ZHX3: variants seen among roughly 807,000 people sequenced by gnomAD.
ZHX3 encodes zinc fingers and homeoboxes protein 3.
In ZHX3, 20 loss-of-function variants were observed where a neutral mutation model predicts 64.5. The observed-to-expected ratio is 0.31, with a 90% CI of 0.22 to 0.45. The LOEUF is 0.45. Ranked by LOEUF, ZHX3 falls within the 20% of genes least tolerant of loss-of-function variation. The pLI is 1.00. For missense variants in ZHX3, 1,041 were observed against 1,195.8 expected (o/e 0.87, Z 1.91); for synonymous variants, 423 against 461.6 (o/e 0.92, Z 1.07).
chr20:41,287,510 T>C (rs2043997408), intron 1 of ZHX3, among the ~76,000 whole-genome samples: 1 of 152,170 alleles, frequency 6.6e-6, no homozygotes, highest in South Asian at 2.1e-4. Context: ...ATACAGCAGA[T>C]ATGATGAAAT....
At chr20:41,293,030 A>G (rs886428369) in intron 1 of ZHX3, among the ~76,000 whole-genome samples, 7 of 152,184 alleles carry the variant, frequency 4.6e-5, no homozygotes, top group African/African-American at 9.7e-5. Flanking sequence ...TGGGAGACGC[A>G]CGTTTGATTA....
rs1338447735 is a variant in ZHX3 at position 41,313,730 on chromosome 20, TG to T, written c.-245+3778del. Among the ~76,000 whole-genome samples, 29 of 151,726 alleles carry T rather than the reference TG, an allele frequency of 1.9e-4. 1 individual carries two copies. Among genetic ancestry groups the T allele is most frequent in the Non-Finnish European group, 1.0e-4 (7 of 67,956 alleles). On this transcript the variant is annotated intron_variant, in intron 1 of 3. Transcript: ENST00000683867. ...CTCCTGCCTCAGCCTCCCAAGTAGCTGGAACTACAGGCGCCCGCCAACACAC... is the reference window on the plus strand; with the variant it reads ...CTCCTGCCTCAGCCTCCCAAGTAGCTGAACTACAGGCGCCCGCCAACACAC...
intron 2 of ZHX3, among the ~76,000 whole-genome samples, chr20:41,234,722 T>G (rs776451342): frequency 1.3e-5 from 2 of 152,212 alleles, no homozygotes; most frequent in Non-Finnish European, 2.9e-5. Flanking sequence ...CAAGCCCCTT[T>G]TTGCTTTTGA....
chr20:41,269,123 A>G (rs748422059), intron 1 of ZHX3, 40 bp from the exon 2 acceptor site: 2 of 152,216 alleles, frequency 1.3e-5, no homozygotes, highest in Non-Finnish European at 2.9e-5. Context: ...ATGAGAAAAC[A>G]TTTTAGGAGG....
At chr20:41,211,712 C>T (rs996148296) in intron 2 of ZHX3, among the ~76,000 whole-genome samples, 3 of 152,160 alleles carry the variant, frequency 2.0e-5, no homozygotes, top group Non-Finnish European at 2.9e-5. Flanking sequence ...TTTGACTTAT[C>T]CACCCCTGCT....
intron 1 of ZHX3, among the ~76,000 whole-genome samples, chr20:41,315,183 A>T (rs371986509): frequency 2.4e-3 from 367 of 152,062 alleles, no homozygotes; most frequent in African/African-American, 8.5e-3. Context: ...CTGAGGCTGG[A>T]GTATGCTTGA....
In ZHX3 at chr20:41,266,703, G is replaced by A. The variant is rs189292701; in HGVS notation, c.-151+2287C>T. On this transcript the variant is annotated intron_variant, in intron 2 of 3. Transcript: ENST00000683867. ...TGGGACTACAGGCGCGCGCCACTGC[G>A]CCCAGCTAATTTTTTGTATTTTTAG... 3.4e-3 allele frequency among the ~76,000 whole-genome samples: 513 copies of A among 151,664 alleles called. 4 individuals carry two copies. Among genetic ancestry groups the A allele is most frequent in the South Asian group, 9.0e-3 (43 of 4,804 alleles).
At chr20:41,240,180 G>C (rs1305885631) in intron 2 of ZHX3, among the ~76,000 whole-genome samples, 2 of 152,082 alleles carry the variant, frequency 1.3e-5, no homozygotes, top group Admixed American at 1.3e-4. Context: ...TATTTTTTTA[G>C]TAGAGATGGG....
At chr20:41,248,856 A>AT (rs1171691345) in intron 2 of ZHX3, among the ~76,000 whole-genome samples, 13 of 152,148 alleles carry the variant, frequency 8.5e-5, no homozygotes, top group Admixed American at 5.9e-4. Context: ...TAACAAAAAG[A>AT]TTTTTCCCCC....
At chr20:41,196,264 G>A (rs939402870) in intron 3 of ZHX3, among the ~76,000 whole-genome samples, 2 of 117,912 alleles carry the variant, frequency 1.7e-5, no homozygotes, top group Non-Finnish European at 3.3e-5. Context: ...TCTGTTAGGG[G>A]TATATATATA....
rs963588154 is a variant in ZHX3, at chr20:41,228,791, C to G, written c.-150-23725G>C. Reference sequence around the variant, plus strand: ...ATTTCCAAGCATACTTATTTTTTTCCTAGTTTCCTTTATTCACATCTCTCT... The same window carrying G: ...ATTTCCAAGCATACTTATTTTTTTCGTAGTTTCCTTTATTCACATCTCTCT... On this transcript the variant is annotated intron_variant, in intron 2 of 3. Coordinates refer to ENST00000683867, the MANE Select transcript of ZHX3 (RefSeq NM_001384317.1). The surrounding 1 kb of genome is among the most constrained non-coding windows in gnomAD (Gnocchi z 4.6). Among the ~76,000 whole-genome samples the G allele has an allele frequency of 6.6e-6, 1 of 152,116 alleles. No homozygotes were observed. Among genetic ancestry groups the G allele is most frequent in the Admixed American group, 6.6e-5 (1 of 15,264 alleles).
chr20:41,317,263 T>G (rs1046890544), intron 1 of ZHX3: 1 of 151,082 alleles, frequency 6.6e-6, no homozygotes, highest in East Asian at 2.0e-4. Flanking sequence ...TGATGACAGA[T>G]GGCGGAGGGC....
chr20:41,203,795 C>G lies in ZHX3; in HGVS notation c.1122G>C (p.Lys374Asn), dbSNP rs766008956. 13 of 1,614,136 alleles carry G rather than the reference C, an allele frequency of 8.1e-6. No individual in the cohort carries two copies. Among genetic ancestry groups the G allele is most frequent in the Non-Finnish European group, 1.1e-5 (13 of 1,180,054 alleles). ...SPEEIEDARK[K>N]MFNTVIQSVP... Reference sequence around the variant, plus strand: ...CAGACTGGATGACTGTATTGAACATCTTTTTCCGGGCATCCTCAATCTCCT... The same window carrying G: ...CAGACTGGATGACTGTATTGAACATGTTTTTCCGGGCATCCTCAATCTCCT... The change falls in exon 3 of 4, where the codon AAG becomes AAC. Residue 374 changes from lysine (K) to asparagine (N), a missense_variant. This residue lies in a region of ZHX3 where 649 missense variants were observed against 739.8 expected (regional missense o/e 0.88). Coordinates refer to ENST00000683867, the MANE Select transcript of ZHX3 (RefSeq NM_001384317.1). The surrounding 1 kb of genome is among the most constrained non-coding windows in gnomAD (Gnocchi z 7.1).
chr20:41,311,051 G>A (rs531997375), intron 1 of ZHX3, among the ~76,000 whole-genome samples: 100 of 152,062 alleles, frequency 6.6e-4, no homozygotes, highest in African/African-American at 2.2e-3. Context: ...CTCGTGATCC[G>A]CCCGCCTAGG....
At chr20:41,306,002 T>C (rs540750145) in intron 1 of ZHX3, among the ~76,000 whole-genome samples, 1 of 152,166 alleles carries the variant, frequency 6.6e-6, no homozygotes, top group African/African-American at 2.4e-5. Flanking sequence ...TAATAAAAAA[T>C]TTCTGGTTAT....
At chr20:41,275,280 A>T (rs1455920601) in intron 1 of ZHX3, among the ~76,000 whole-genome samples, 2 of 152,230 alleles carry the variant, frequency 1.3e-5, no homozygotes, top group African/African-American at 4.8e-5. Context: ...ATATTTTGCG[A>T]TCTATAATGA....
chr20:41,259,105 A>T (rs2042425163), intron 2 of ZHX3, among the ~76,000 whole-genome samples: 1 of 152,222 alleles, frequency 6.6e-6, no homozygotes, highest in South Asian at 2.1e-4. Context: ...ATTCCATATG[A>T]ACCTTTTTTC....
At chr20:41,264,515 C>T (rs1014751548) in intron 2 of ZHX3, among the ~76,000 whole-genome samples, 1 of 145,846 alleles carries the variant, frequency 6.9e-6, no homozygotes, top group Non-Finnish European at 1.5e-5. Flanking sequence ...GCCAAGATCA[C>T]GCCACTGCAC....
At chr20:41,265,053 A>G (rs765305726) in intron 2 of ZHX3, among the ~76,000 whole-genome samples, 2 of 152,228 alleles carry the variant, frequency 1.3e-5, no homozygotes, top group African/African-American at 2.4e-5. Flanking sequence ...TTAACACAGT[A>G]TCAGAAGTTC....
Sources: gnomAD v4.1 joint callset for allele counts (sites outside exome capture counted in the v4.1 genomes callset) on GRCh38, gnomAD v4.1.1 for gene constraint, gnomAD v4.1.1 regional missense constraint, Gnocchi (gnomAD v3.1) non-coding constraint, MANE v1.5 for transcripts, NCBI Gene and HGNC (gene_info 2026-07-23, HGNC 2026-07-21) for gene names.